Variants in TLE3 observed in about 807,000 individuals in gnomAD.
The protein encoded by TLE3 is TLE family member 3, transcriptional corepressor.
TLE3 carries 14 observed loss-of-function variants against 93.0 expected under a neutral mutation model. The ratio of observed to expected loss-of-function variants is 0.15; its 90% confidence interval spans 0.10 to 0.24. TLE3 has a LOEUF of 0.24. Ranked by LOEUF, TLE3 falls within the 10% of genes least tolerant of loss-of-function variation. The pLI is 1.00. For missense variants in TLE3, 693 were observed against 1,046.6 expected, an observed-to-expected ratio of 0.66 and a Z score of 4.66; for synonymous variants, 451 against 425.0, an observed-to-expected ratio of 1.06 and a Z score of -0.75.
At chr15:70,074,878 CCA>C (rs1405688181) in intron 5 of TLE3, among the ~76,000 whole-genome samples, 1 of 152,262 alleles carries the variant, frequency 6.6e-6, no homozygotes, top group African/African-American at 2.4e-5. Context: ...TATTAGTCAA[CCA>C]CACACACACA....
intron 18 of TLE3, 29 bp from the exon 19 acceptor site, chr15:70,051,496 G>A: frequency 6.3e-7 from 1 of 1,586,228 alleles, no homozygotes; most frequent in Admixed American, 1.8e-5. Flanking sequence ...GGCATGATCA[G>A]GTTGTAGCTC....
At chr15:70,071,769 G>A (rs1379923481) in intron 6 of TLE3, among the ~76,000 whole-genome samples, 1 of 152,104 alleles carries the variant, frequency 6.6e-6, no homozygotes, top group African/African-American at 2.4e-5. Flanking sequence ...ACTGAAAGCT[G>A]CCAAGAGCCT....
Position 70,051,552 on chromosome 15 carries a change from T to C in TLE3, c.2126-85A>G, listed in dbSNP as rs369648711. ...CTGCCCTAGACATGGCCAGCTGCCA[T>C]AGAAAAGCAGTGAGAACTGCTAACT... On this transcript the variant is annotated intron_variant, in intron 18 of 19. Transcript: ENST00000451782. 1.2e-5 allele frequency: 15 copies of C among 1,264,574 alleles called. No individual in the cohort carries two copies. In the East Asian group the frequency reaches 1.6e-4, roughly 14 times the overall value. 78.3% of individuals were successfully genotyped at this position (1,264,574 alleles called of 1,614,324 possible). A position where few individuals can be genotyped will look rare whatever the true frequency, so the allele number is the denominator to read the frequency against.
At chr15:70,096,034 G>T in intron 2 of TLE3, 127 bp downstream of exon 2, 1 of 1,100,628 alleles carries the variant, frequency 9.1e-7, no homozygotes, top group Non-Finnish European at 1.3e-6. Flanking sequence ...GAAACAAAAG[G>T]CGGAGGCCCG....
chr15:70,054,237 C>G (rs2055820997), intron 16 of TLE3: 1 of 666,522 alleles, frequency 1.5e-6, no homozygotes, highest in African/African-American at 1.8e-5. Flanking sequence ...CTCTCCAACT[C>G]CTGGGCCCAA....
At chr15:70,076,033 G>C in intron 5 of TLE3, 63 bp downstream of exon 5, 1 of 1,493,562 alleles carries the variant, frequency 6.7e-7, no homozygotes, top group Non-Finnish European at 9.3e-7. Flanking sequence ...GCTCCAGTGA[G>C]ACCCCACCAG....
Position 70,050,066 on chromosome 15 carries a change from CAG to C in TLE3, c.*29_*30del. On this transcript the variant is annotated 3_prime_UTR_variant, in exon 20 of 20. Transcript: ENST00000451782. The stretch of plus-strand genomic sequence containing the variant: ...CTGTCAGAGCCGAGTCGGTTTCTCC[CAG>C]AGTTTGACAGCCCTGCTGGAGTTCT... The C allele has an allele frequency of 2.5e-6, 4 of 1,594,176 alleles. No individual in the cohort carries two copies. Among genetic ancestry groups the C allele is most frequent in the Non-Finnish European group, 3.4e-6 (4 of 1,162,160 alleles).
At position 70,096,760 on chromosome 15, in the gene TLE3, G is replaced by A. The variant is rs753965062; in HGVS notation, c.24+15C>T. ...CATGATAGATGCTTAAATAAACCGA[G>A]TTGCAATTACTCACCGGATGTCTGC... On this transcript the variant is annotated intron_variant, in intron 1 of 19. Coordinates refer to ENST00000451782, the MANE Select transcript of TLE3 (RefSeq NM_001105192.3). 3 of 1,613,260 alleles carry A rather than the reference G, an allele frequency of 1.9e-6. No homozygotes were observed. The highest frequency in any genetic ancestry group is 2.2e-5 in the South Asian group (2 of 90,900).
At chr15:70,089,345 T>C (rs2058192506) in intron 4 of TLE3, among the ~76,000 whole-genome samples, 1 of 152,130 alleles carries the variant, frequency 6.6e-6, no homozygotes, top group Non-Finnish European at 1.5e-5. Context: ...GAGGGAATGG[T>C]GTCTTATTCG....
rs202093901 is a variant in TLE3, at chr15:70,051,949, C to T, written c.2125+425G>A. ...AAAGCCATGAGCACCATGCTATTCC[C>T]GACCAGAGAGAAAAATCCACTAGAG... is the stretch of plus-strand genomic sequence containing the variant. On this transcript the variant is annotated intron_variant, in intron 18 of 19. Coordinates refer to ENST00000451782, the MANE Select transcript of TLE3 (RefSeq NM_001105192.3). 2.0e-5 allele frequency among the ~76,000 whole-genome samples: 3 copies of T among 152,302 alleles called. No individual in the cohort carries two copies. The South Asian group carries it at 6.2e-4, about 32-fold the overall frequency.
intron 17 of TLE3, 142 bp from the exon 18 acceptor site, chr15:70,052,666 C>T: frequency 2.5e-6 from 2 of 803,036 alleles, no homozygotes; most frequent in Non-Finnish European, 3.6e-6. Flanking sequence ...TATGGGAGGT[C>T]ATTTTCCATC....
intron 4 of TLE3, among the ~76,000 whole-genome samples, chr15:70,084,059 T>C (rs118099720): frequency 6.6e-6 from 1 of 152,246 alleles, no homozygotes; most frequent in Non-Finnish European, 1.5e-5. Flanking sequence ...TTATATGATA[T>C]GCTCCTTCTC....
Position 70,049,961 on chromosome 15 carries a change from G to T in TLE3, c.*136C>A, listed in dbSNP as rs997029654. On this transcript the variant is annotated 3_prime_UTR_variant, in exon 20 of 20. Coordinates refer to ENST00000451782, the MANE Select transcript of TLE3 (RefSeq NM_001105192.3). The stretch of plus-strand genomic sequence containing the variant: ...TGACGGGGCACGTGCCCTCTCAGCC[G>T]GCCGGAGCGCAGCCCTGAACGCTCG... The T allele has an allele frequency of 8.8e-6, 6 of 677,982 alleles. No homozygotes were observed. The African/African-American group carries it at 8.9e-5, about 10-fold the overall frequency. The allele number at this position is 677,982 out of a possible 1,614,324, so 42.0% of individuals were successfully genotyped here.
chr15:70,058,775 G>T lies in TLE3; in HGVS notation c.806C>A (p.Pro269His). The change falls in exon 11 of 20, where the codon CCT (proline) becomes CAT (histidine). Residue 269 changes from proline (P) to histidine (H), a missense_variant. Transcript: ENST00000451782. The surrounding 1 kb of genome is among the most constrained non-coding windows in gnomAD (Gnocchi z 4.1). Reference sequence around the variant, plus strand: ...ACGGGCCTTGTCCAGCCCATTTTCAGGAGGGGAGTGTGCCGGGCTGACCCG... The same window carrying T: ...ACGGGCCTTGTCCAGCCCATTTTCATGAGGGGAGTGTGCCGGGCTGACCCG... ...TPRVSPAHSP[P>H]ENGLDKARSL... is the part of the protein sequence containing the mutation. 2 of 1,609,130 alleles carry T rather than the reference G, an allele frequency of 1.2e-6. No individual in the cohort carries two copies. The highest frequency in any genetic ancestry group is 1.7e-6 in the Non-Finnish European group (2 of 1,177,824).
At chr15:70,065,638 G>T (rs2056766212) in intron 7 of TLE3, among the ~76,000 whole-genome samples, 1 of 152,192 alleles carries the variant, frequency 6.6e-6, no homozygotes, top group African/African-American at 2.4e-5. Context: ...ACTCAACTTT[G>T]GCATCCCAAC....
chr15:70,056,118 TAC>T (rs2141450539), intron 14 of TLE3, 178 bp downstream of exon 14: 4 of 696,474 alleles, frequency 5.7e-6, no homozygotes, highest in South Asian at 1.6e-5. Context: ...GTGGCTTGGC[TAC>T]AGTTTCCTGG....
At chr15:70,074,412 G>A (rs2057338321) in intron 6 of TLE3, 121 bp downstream of exon 6, 2 of 1,276,982 alleles carry the variant, frequency 1.6e-6, no homozygotes, top group Non-Finnish European at 2.2e-6. Context: ...GTAGAAGCCG[G>A]AGCCCTGGGG....
rs755947985 is a variant in TLE3 at position 70,055,307 on chromosome 15, G to A, written c.1329-9C>T. ...CATGGAATGAGTACGCTCTGAAAAG[G>A]TGAGAAACCGTCACTGCTGCCATCC... On this transcript the variant is annotated splice_polypyrimidine_tract_variant and intron_variant, in intron 14 of 19. Transcript: ENST00000451782. 6.4e-7 allele frequency: 1 copy of A among 1,552,934 alleles called. No individual in the cohort carries two copies. The highest frequency in any genetic ancestry group is 1.2e-5 in the South Asian group (1 of 82,530).
At chr15:70,069,746 T>A (rs1432654909) in intron 6 of TLE3, among the ~76,000 whole-genome samples, 1 of 152,204 alleles carries the variant, frequency 6.6e-6, no homozygotes, top group Non-Finnish European at 1.5e-5. Context: ...CTAACAACAA[T>A]CTTGGGTACA....
Sources: allele counts gnomAD v4.1 joint callset (sites outside exome capture counted in the v4.1 genomes callset), GRCh38; gene constraint gnomAD v4.1.1; non-coding constraint Gnocchi (gnomAD v3.1); transcripts MANE v1.5; gene names NCBI Gene and HGNC (gene_info 2026-07-23, HGNC 2026-07-21).